The following NRG1 variants were observed in gnomAD, a reference collection of about 807,000 sequenced individuals.
The protein encoded by NRG1 is neuregulin 1.
Under a neutral mutation model 63.8 loss-of-function variants are expected in NRG1, and 18 were observed. The observed-to-expected ratio is 0.28, with a 90% CI of 0.19 to 0.42. The LOEUF is 0.42. Ranked by LOEUF, NRG1 falls within the 10% of genes least tolerant of loss-of-function variation. The pLI, the probability that NRG1 is intolerant of heterozygous loss-of-function variation, is 1.00. For synonymous variants in NRG1, 302 were observed against 301.3 expected, an observed-to-expected ratio of 1.00 and a Z score of -0.02; for missense variants, 762 against 814.7, an observed-to-expected ratio of 0.94 and a Z score of 0.79.
At chr8:32,104,332 C>T (rs1222723753) in intron 1 of NRG1, among the ~76,000 whole-genome samples, 1 of 152,032 alleles carries the variant, frequency 6.6e-6, no homozygotes, top group Non-Finnish European at 1.5e-5. Context: ...TTAAAGTACA[C>T]CTATATAAGG....
chr8:31,719,355 G>C (rs1432008678), intron 1 of NRG1, among the ~76,000 whole-genome samples: 1 of 152,154 alleles, frequency 6.6e-6, no homozygotes, highest in Non-Finnish European at 1.5e-5. Flanking sequence ...GGAGAGAAAT[G>C]CTCAGAAAAT....
intron 7 of NRG1, among the ~76,000 whole-genome samples, chr8:32,747,037 C>T (rs2129044999): frequency 6.6e-6 from 1 of 151,756 alleles, no homozygotes; most frequent in Non-Finnish European, 1.5e-5. Context: ...TACCAATTTC[C>T]CATTGAATTA....
intron 1 of NRG1, among the ~76,000 whole-genome samples, chr8:31,952,329 C>T (rs1803607788): frequency 6.6e-6 from 1 of 152,178 alleles, no homozygotes; most frequent in Admixed American, 6.5e-5. Flanking sequence ...TGATACTGAA[C>T]AATTGCTATG....
At chr8:31,861,553 T>G (rs558234745) in intron 1 of NRG1, among the ~76,000 whole-genome samples, 8 of 152,262 alleles carry the variant, frequency 5.3e-5, no homozygotes, top group Non-Finnish European at 1.2e-4. Flanking sequence ...GAAAATTTGT[T>G]TCTCACATAG....
intron 1 of NRG1, among the ~76,000 whole-genome samples, chr8:32,175,239 T>C (rs1456551164): frequency 6.6e-6 from 1 of 152,152 alleles, no homozygotes; most frequent in Non-Finnish European, 1.5e-5. Flanking sequence ...ACCATATTAC[T>C]ATCTCAATAG....
intron 1 of NRG1, among the ~76,000 whole-genome samples, chr8:32,409,081 A>G (rs1300441373): frequency 6.6e-6 from 1 of 152,174 alleles, no homozygotes; most frequent in African/African-American, 2.4e-5. Flanking sequence ...ATTCTTTTGT[A>G]TGGCTGAGTA....
intron 1 of NRG1, among the ~76,000 whole-genome samples, chr8:31,824,567 A>C (rs887386538): frequency 1.3e-5 from 2 of 152,222 alleles, no homozygotes; most frequent in African/African-American, 4.8e-5. Context: ...TGAGATCAAT[A>C]AATCTTAGCA....
At chr8:32,359,634 T>C (rs1806954065) in intron 1 of NRG1, among the ~76,000 whole-genome samples, 1 of 152,204 alleles carries the variant, frequency 6.6e-6, no homozygotes, top group South Asian at 2.1e-4. Flanking sequence ...AAGATGGCAG[T>C]CTTTTTTTCA....
intron 1 of NRG1, among the ~76,000 whole-genome samples, chr8:32,241,713 G>A (rs1848113336): frequency 7.8e-6 from 1 of 128,800 alleles, no homozygotes; most frequent in African/African-American, 2.6e-5. Context: ...ATGTTGTCCT[G>A]GGCAGAGCAG....
At chr8:31,892,724 G>T (rs1355191680) in intron 1 of NRG1, among the ~76,000 whole-genome samples, 2 of 151,908 alleles carry the variant, frequency 1.3e-5, no homozygotes, top group African/African-American at 4.8e-5. Flanking sequence ...AGCAGGGTGG[G>T]TGTAGAGAGC....
chr8:32,665,660 T>A (rs1412813681), intron 5 of NRG1, among the ~76,000 whole-genome samples: 5 of 152,200 alleles, frequency 3.3e-5, no homozygotes, highest in Non-Finnish European at 5.9e-5. Context: ...AGCTGCTAAA[T>A]GAAAGGGTGC....
At chr8:32,312,358 A>T (rs1161309631) in intron 1 of NRG1, among the ~76,000 whole-genome samples, 4 of 66,566 alleles carry the variant, frequency 6.0e-5, no homozygotes, top group East Asian at 3.3e-4. Flanking sequence ...TTTTTTTAGT[A>T]GAGACGGGAT....
chr8:32,184,881 C>T (rs577672066), intron 1 of NRG1, among the ~76,000 whole-genome samples: 78 of 152,238 alleles, frequency 5.1e-4, no homozygotes, highest in Non-Finnish European at 1.0e-3. Context: ...TCCAAGGATA[C>T]TTCCTTGGGA....
intron 1 of NRG1, among the ~76,000 whole-genome samples, chr8:32,057,016 AC>A (rs1342238413): frequency 2.6e-5 from 4 of 152,140 alleles, no homozygotes; most frequent in Non-Finnish European, 5.9e-5. Context: ...GCTATCACCT[AC>A]CCTACAATTA....
chr8:31,813,820 C>G (rs533875915), intron 1 of NRG1, among the ~76,000 whole-genome samples: 1 of 152,052 alleles, frequency 6.6e-6, no homozygotes. Context: ...AGCCATCATG[C>G]CTGGCCAGGA....
At chr8:31,851,511 T>C (rs1827214318) in intron 1 of NRG1, among the ~76,000 whole-genome samples, 1 of 152,198 alleles carries the variant, frequency 6.6e-6, no homozygotes, top group African/African-American at 2.4e-5. Flanking sequence ...ATTTTATTTT[T>C]AACATTGTTT....
chr8:32,416,321 T>C (rs200717468), intron 1 of NRG1, among the ~76,000 whole-genome samples: 3,603 of 88,072 alleles, frequency 0.041, 148 homozygotes, highest in African/African-American at 0.12. Flanking sequence ...CTCCCTCCCT[T>C]CCTTCCTTAA....
intron 1 of NRG1, among the ~76,000 whole-genome samples, chr8:32,589,672 T>C (rs1338780429): frequency 6.6e-6 from 1 of 152,212 alleles, no homozygotes; most frequent in African/African-American, 2.4e-5. Flanking sequence ...TAGTGTCACA[T>C]GCCATCAGCA....
At chr8:32,109,556 C>G (rs919487466) in intron 1 of NRG1, among the ~76,000 whole-genome samples, 1 of 152,078 alleles carries the variant, frequency 6.6e-6, no homozygotes, top group Non-Finnish European at 1.5e-5. Flanking sequence ...CCAGCCAGAA[C>G]CACACATTCA....
Sources: allele counts gnomAD v4.1 joint callset (sites outside exome capture counted in the v4.1 genomes callset), GRCh38; gene constraint gnomAD v4.1.1; transcripts MANE v1.5; gene names NCBI Gene and HGNC (gene_info 2026-07-23, HGNC 2026-07-21).